Variants in FRMD4B observed in about 807,000 individuals in gnomAD.
The protein encoded by FRMD4B is FERM domain-containing protein 4B.
A neutral mutation model predicts 141.5 loss-of-function variants in FRMD4B; 74 were observed. That is an observed-to-expected ratio of 0.52 (90% CI 0.43 to 0.63). The LOEUF is 0.63. Ranked by LOEUF, FRMD4B falls within the 30% of genes least tolerant of loss-of-function variation. The pLI, the probability that FRMD4B is intolerant of heterozygous loss-of-function variation, is 0.00. For missense variants in FRMD4B, 1,366 were observed against 1,253.4 expected (o/e 1.09, Z -1.36); for synonymous variants, 506 against 467.9 (o/e 1.08, Z -1.05).
intron 7 of FRMD4B, among the ~76,000 whole-genome samples, chr3:69,245,719 A>G (rs76217269): frequency 0.095 from 13,643 of 144,266 alleles, 884 homozygotes; most frequent in East Asian, 0.27. Context: ...GATGGAGTGC[A>G]GTGGCACCAC....
chr3:69,472,597 G>A (rs115587893), intron 1 of FRMD4B: 3,892 of 200,170 alleles, frequency 0.019, 173 homozygotes, highest in African/African-American at 0.085. Flanking sequence ...CCACAATGTA[G>A]CAGTGTCTCA....
intron 7 of FRMD4B, among the ~76,000 whole-genome samples, chr3:69,237,977 C>T (rs189953518): frequency 9.8e-5 from 15 of 152,302 alleles, no homozygotes; most frequent in South Asian, 2.1e-4. Flanking sequence ...GGCAATCGGC[C>T]GGCGTTGGCC....
chr3:69,205,069 A>AAAAAAAAAAAAAG (rs1553700711), intron 11 of FRMD4B, among the ~76,000 whole-genome samples: 10 of 151,222 alleles, frequency 6.6e-5, no homozygotes, highest in African/African-American at 2.2e-4. Flanking sequence ...CAAAAAAAAA[A>AAAAAAAAAAAAAG]AAAAAGAAAA....
At chr3:69,444,482 G>A (rs890537785) in intron 1 of FRMD4B, among the ~76,000 whole-genome samples, 47 of 152,074 alleles carry the variant, frequency 3.1e-4, no homozygotes, top group African/African-American at 1.1e-3. Flanking sequence ...TTGACATAAA[G>A]TTGTTTTTTT....
intron 7 of FRMD4B, among the ~76,000 whole-genome samples, chr3:69,244,750 C>T (rs2093411373): frequency 6.6e-6 from 1 of 151,170 alleles, no homozygotes; most frequent in Non-Finnish European, 1.5e-5. Context: ...AAAAATTAGC[C>T]GGGCATGGTT....
intron 1 of FRMD4B, among the ~76,000 whole-genome samples, chr3:69,509,071 T>TA (rs1419034001): frequency 6.6e-6 from 1 of 152,222 alleles, no homozygotes. Flanking sequence ...CTATGTCAAG[T>TA]GATACATGGA....
At chr3:69,266,334 TG>T (rs2093561898) in intron 5 of FRMD4B, among the ~76,000 whole-genome samples, 1 of 152,142 alleles carries the variant, frequency 6.6e-6, no homozygotes, top group African/African-American at 2.4e-5. Context: ...AAGGATTTTT[TG>T]TGTGTGCGTG....
intron 19 of FRMD4B, among the ~76,000 whole-genome samples, chr3:69,187,390 A>G (rs1162338270): frequency 1.3e-5 from 2 of 151,484 alleles, no homozygotes; most frequent in African/African-American, 4.9e-5. Flanking sequence ...TCCTAAAAAT[A>G]CAAAATTAGC....
intron 13 of FRMD4B, 79 bp downstream of exon 13, chr3:69,196,821 T>C (rs1340773701): frequency 1.0e-5 from 11 of 1,080,052 alleles, no homozygotes; most frequent in Admixed American, 2.8e-5. Context: ...TGTGCTTGCA[T>C]CTTTTGTGAG....
At chr3:69,466,663 C>G (rs1464454578) in intron 1 of FRMD4B, among the ~76,000 whole-genome samples, 3 of 152,140 alleles carry the variant, frequency 2.0e-5, no homozygotes, top group African/African-American at 7.2e-5. Flanking sequence ...TCTCACAACA[C>G]AAAGTTAAAA....
At chr3:69,407,188 C>G (rs1704663370) in intron 2 of FRMD4B, among the ~76,000 whole-genome samples, 1 of 152,078 alleles carries the variant, frequency 6.6e-6, no homozygotes, top group Non-Finnish European at 1.5e-5. Flanking sequence ...CCCACTCCAG[C>G]CCCTGGCAAT....
chr3:69,491,447 ATCT>A (rs1031715173), intron 1 of FRMD4B, among the ~76,000 whole-genome samples: 5 of 152,346 alleles, frequency 3.3e-5, no homozygotes, highest in African/African-American at 4.8e-5. Context: ...TCCTCACCTA[ATCT>A]TCTTCTGGAT....
chr3:69,237,826 G>A (rs777524892), intron 7 of FRMD4B, among the ~76,000 whole-genome samples: 2 of 152,326 alleles, frequency 1.3e-5, no homozygotes, highest in Non-Finnish European at 1.5e-5. Flanking sequence ...TGCCTCCTGG[G>A]TTCAAGTGAT....
intron 1 of FRMD4B, among the ~76,000 whole-genome samples, chr3:69,493,728 C>T (rs77242281): frequency 0.15 from 22,725 of 152,036 alleles, 2,050 homozygotes; most frequent in African/African-American, 0.25. Context: ...ATAAGCTTCA[C>T]GAAGGCAGGG....
At chr3:69,333,324 C>T (rs1702441469) in intron 1 of FRMD4B, among the ~76,000 whole-genome samples, 1 of 152,170 alleles carries the variant, frequency 6.6e-6, no homozygotes. Flanking sequence ...GGAAGAGTTT[C>T]ATCAAAGAGA....
At chr3:69,359,880 ATT>A (rs938533545) in intron 1 of FRMD4B, among the ~76,000 whole-genome samples, 1 of 152,220 alleles carries the variant, frequency 6.6e-6, no homozygotes, top group African/African-American at 2.4e-5. Context: ...CTTGAAATCC[ATT>A]TTACAAATGG....
intron 1 of FRMD4B, among the ~76,000 whole-genome samples, chr3:69,511,010 T>A (rs1210605238): frequency 2.0e-5 from 3 of 152,236 alleles, no homozygotes; most frequent in Non-Finnish European, 4.4e-5. Flanking sequence ...AATAGAGTAC[T>A]TTATTAAGCT....
intron 1 of FRMD4B, among the ~76,000 whole-genome samples, chr3:69,516,981 C>A (rs1431239062): frequency 6.6e-6 from 1 of 152,140 alleles, no homozygotes; most frequent in Non-Finnish European, 1.5e-5. Context: ...TACCTCTCCT[C>A]CCTCTGGAGG....
chr3:69,465,012 T>A (rs898663732), intron 1 of FRMD4B, among the ~76,000 whole-genome samples: 1 of 152,196 alleles, frequency 6.6e-6, no homozygotes, highest in Non-Finnish European at 1.5e-5. Context: ...CTGATGTTAT[T>A]TGGACCTTAA....
Sources: gnomAD v4.1 joint callset for allele counts (sites outside exome capture counted in the v4.1 genomes callset) on GRCh38, gnomAD v4.1.1 for gene constraint, MANE v1.5 for transcripts, NCBI Gene and HGNC (gene_info 2026-07-23, HGNC 2026-07-21) for gene names.